ACTB: variants seen among roughly 807,000 people sequenced by gnomAD.
ACTB encodes actin, cytoplasmic 1.
In ACTB, 2 loss-of-function variants were observed where a neutral mutation model predicts 30.5. That is an observed-to-expected ratio of 0.07 (90% CI 0.03 to 0.21). ACTB has a LOEUF of 0.21. Ranked by LOEUF, ACTB falls within the 10% of genes least tolerant of loss-of-function variation. The pLI is 1.00. For missense variants in ACTB, 56 were observed against 530.0 expected, an observed-to-expected ratio of 0.11 and a Z score of 8.78; for synonymous variants, 335 against 217.6, an observed-to-expected ratio of 1.54 and a Z score of -4.75.
At chr7:5,529,001 G>A (rs752174049) in intron 3 of ACTB, 160 bp downstream of exon 3, 116 of 1,602,206 alleles carry the variant, frequency 7.2e-5, no homozygotes, top group Non-Finnish European at 8.3e-5. Flanking sequence ...AGCTCATCTG[G>A]GAAAAAGCAA....
In ACTB at chr7:5,529,518, C is replaced by G. The variant is rs769849398; in HGVS notation, c.123+17G>C. 4 of 1,611,542 alleles carry G rather than the reference C, an allele frequency of 2.5e-6. No homozygotes were observed. The highest frequency in any genetic ancestry group is 3.4e-6 in the Non-Finnish European group (4 of 1,179,246). On this transcript the variant is annotated intron_variant, in intron 2 of 5. Transcript: ENST00000646664. Reference sequence around the variant, plus strand: ...CCGCCCGCTCCCGGGGCTGCCCCACCCAGCCAGCTCCCCTACCTGGTGCCT... The same window carrying G: ...CCGCCCGCTCCCGGGGCTGCCCCACGCAGCCAGCTCCCCTACCTGGTGCCT...
chr7:5,530,394 A>G (rs2128241641), intron 1 of ACTB, 130 bp downstream of exon 1: 1 of 150,808 alleles, frequency 6.6e-6, no homozygotes, highest in East Asian at 2.0e-4. Flanking sequence ...CGCGCCCCCC[A>G]CGGCGGTCCG....
intron 5 of ACTB, 39 bp from the exon 6 acceptor site, chr7:5,527,930 G>GT: frequency 6.2e-7 from 1 of 1,613,062 alleles, no homozygotes; most frequent in Non-Finnish European, 8.5e-7. Flanking sequence ...GACCCTGGAT[G>GT]TGACAGCTCC....
chr7:5,527,496 G>T lies in ACTB; in HGVS notation c.*252C>A. On this transcript the variant is annotated 3_prime_UTR_variant, in exon 6 of 6. Transcript: ENST00000646664. ...CCTGTAACAACGCATCTCATATTTG[G>T]AATGACTATTAAAAAAACAACAATG... 1.7e-6 allele frequency: 1 copy of T among 602,930 alleles called. No homozygotes were observed. Among genetic ancestry groups the T allele is most frequent in the Non-Finnish European group, 2.8e-6 (1 of 353,038 alleles). 37.3% of individuals were successfully genotyped at this position (602,930 alleles called of 1,614,324 possible). A position where few individuals can be genotyped will look rare whatever the true frequency, so the allele number is the denominator to read the frequency against.
chr7:5,528,669 A>T lies in ACTB; in HGVS notation c.414T>A (p.Ala138=), dbSNP rs1784815767. ...GGCCAGAGGCGTACAGGGATAGCAC[A>T]GCCTGGATAGCAACGTACATGGCTG... is the stretch of plus-strand genomic sequence containing the variant. ...NTPAMYVAIQ[A]VLSLYASGRT... Residue 138 remains alanine (A), a synonymous_variant, in exon 4 of 6, where the codon GCT becomes GCA. Coordinates refer to ENST00000646664, the MANE Select transcript of ACTB (RefSeq NM_001101.5). The T allele has an allele frequency of 6.2e-7, 1 of 1,613,870 alleles. No homozygotes were observed. Among genetic ancestry groups the T allele is most frequent in the Non-Finnish European group, 8.5e-7 (1 of 1,180,032 alleles).
intron 1 of ACTB, 189 bp from the exon 2 acceptor site, chr7:5,529,852 G>T: frequency 1.0e-6 from 1 of 993,446 alleles, no homozygotes; most frequent in Non-Finnish European, 1.5e-6. Flanking sequence ...GCGCGCGGCA[G>T]GAAGCCAGGC....
rs11546905 is a variant in ACTB, at chr7:5,527,468, C to T, written c.*280G>A. ...GGGTGGCTTTTAGGATGGCAAGGGA[C>T]TTCCTGTAACAACGCATCTCATATT... On this transcript the variant is annotated 3_prime_UTR_variant, in exon 6 of 6. Transcript: ENST00000646664. 2,069 of 528,402 alleles carry T rather than the reference C, an allele frequency of 3.9e-3. 41 individuals are homozygous for T. The highest frequency in any genetic ancestry group is 0.036 in the African/African-American group (1,893 of 52,110). The allele number at this position is 528,402 out of a possible 1,614,324, so 32.7% of individuals were successfully genotyped here.
intron 3 of ACTB, 116 bp downstream of exon 3, chr7:5,529,045 T>A: frequency 6.2e-7 from 1 of 1,612,656 alleles, no homozygotes; most frequent in Non-Finnish European, 8.5e-7. Context: ...GAGACTCAGG[T>A]CAGAGAAGAG....
rs1176723069 is a variant in ACTB, at chr7:5,529,681, C to G, written c.-6-18G>C. ...ATGGTGAGCTGCGAGAATAGCCGGG[C>G]GCGCTGTGAGCCGAGGTCGCCCCCG... On this transcript the variant is annotated intron_variant, in intron 1 of 5. Coordinates refer to ENST00000646664, the MANE Select transcript of ACTB (RefSeq NM_001101.5). The G allele has an allele frequency of 6.2e-7, 1 of 1,611,248 alleles. No individual in the cohort carries two copies. Among genetic ancestry groups the G allele is most frequent in the Non-Finnish European group, 8.5e-7 (1 of 1,179,534 alleles).
At chr7:5,529,905 G>C (rs1451367586) in intron 1 of ACTB, 2 of 570,334 alleles carry the variant, frequency 3.5e-6, no homozygotes, top group Non-Finnish European at 6.1e-6. Flanking sequence ...CCTCCGCCCG[G>C]TTCAAACAGC....
intron 5 of ACTB, 37 bp downstream of exon 5, chr7:5,527,963 GCCGA>G: frequency 6.2e-7 from 1 of 1,613,108 alleles, no homozygotes; most frequent in East Asian, 2.2e-5. Context: ...GGACCCCACA[GCCGA>G]CCTGCCCAGG....
intron 1 of ACTB, 135 bp from the exon 2 acceptor site, chr7:5,529,798 G>A (rs923060403): frequency 1.1e-5 from 16 of 1,418,408 alleles, no homozygotes; most frequent in Middle Eastern, 1.8e-4. Flanking sequence ...GGCCGGCCGC[G>A]TTATTACCAT....
At chr7:5,527,919 G>A (rs1386436120) in intron 5 of ACTB, 28 bp from the exon 6 acceptor site, 17 of 1,613,036 alleles carry the variant, frequency 1.1e-5, no homozygotes, top group African/African-American at 1.3e-5. Context: ...CAGGCAGTGA[G>A]GACCCTGGAT....
Position 5,527,592 on chromosome 7 carries a change from A to C in ACTB, c.*156T>G, listed in dbSNP as rs887488041. 38 of 1,247,378 alleles carry C rather than the reference A, an allele frequency of 3.0e-5. No individual in the cohort carries two copies. The highest frequency in any genetic ancestry group is 1.6e-5 in the African/African-American group (1 of 63,004). The allele number at this position is 1,247,378 out of a possible 1,614,324, so 77.3% of individuals were successfully genotyped here. ...GCTCCAACCGACTGCTGTCACCTTC[A>C]CCGTTCCAGTTTTTAAATCCTGAGT... is the stretch of plus-strand genomic sequence containing the variant. On this transcript the variant is annotated 3_prime_UTR_variant, in exon 6 of 6. Transcript: ENST00000646664.
Position 5,527,397 on chromosome 7 carries a change from G to C in ACTB, c.*351C>G. Reference sequence around the variant, plus strand: ...CGAAAGCAATGCTATCACCTCCCCTGTGTGGACTTGGGAGAGGACTGGGCC... The same window carrying C: ...CGAAAGCAATGCTATCACCTCCCCTCTGTGGACTTGGGAGAGGACTGGGCC... On this transcript the variant is annotated 3_prime_UTR_variant, in exon 6 of 6. Coordinates refer to ENST00000646664, the MANE Select transcript of ACTB (RefSeq NM_001101.5). 2.5e-6 allele frequency: 1 copy of C among 396,082 alleles called. No homozygotes were observed. The highest frequency in any genetic ancestry group is 2.5e-5 in the South Asian group (1 of 40,526). The allele number at this position is 396,082 out of a possible 1,614,324, so 24.5% of individuals were successfully genotyped here.
At chr7:5,529,485 C>T (rs752050587) in intron 2 of ACTB, 50 bp downstream of exon 2, 2 of 1,612,608 alleles carry the variant, frequency 1.2e-6, no homozygotes, top group Non-Finnish European at 1.7e-6. Flanking sequence ...AGAAAGCGCC[C>T]TTGCCTCCCG....
intron 3 of ACTB, 33 bp from the exon 4 acceptor site, chr7:5,528,752 G>A (rs747747887): frequency 6.2e-7 from 1 of 1,610,146 alleles, no homozygotes; most frequent in Non-Finnish European, 8.5e-7. Flanking sequence ...GTCACACTGG[G>A]GAAGCCACTG....
chr7:5,527,697 C>T lies in ACTB; in HGVS notation c.*51G>A. The T allele has an allele frequency of 6.2e-7, 1 of 1,611,146 alleles. No homozygotes were observed. The highest frequency in any genetic ancestry group is 1.1e-5 in the South Asian group (1 of 90,962). On this transcript the variant is annotated 3_prime_UTR_variant, in exon 6 of 6. Transcript: ENST00000646664. ...TGCCAATCTCATCTTGTTTTCTGCG[C>T]AAGTTAGGTTTTGTCAAGAAAGGGT... is the stretch of plus-strand genomic sequence containing the variant.
intron 1 of ACTB, among the ~76,000 whole-genome samples, chr7:5,530,311 C>T (rs1415516986): frequency 6.6e-6 from 1 of 152,002 alleles, no homozygotes; most frequent in East Asian, 1.9e-4. Context: ...CGGAGCGCGC[C>T]TCCCGAGCGC....
Sources: allele counts gnomAD v4.1 joint callset (sites outside exome capture counted in the v4.1 genomes callset), GRCh38; gene constraint gnomAD v4.1.1; transcripts MANE v1.5; gene names NCBI Gene and HGNC (gene_info 2026-07-23, HGNC 2026-07-21).